Variants in WAPL observed in about 807,000 individuals in gnomAD.
WAPL encodes WAPL cohesin release factor, also known as wings apart-like protein homolog.
In WAPL, 5 loss-of-function variants were observed where a neutral mutation model predicts 121.0. The observed-to-expected ratio is 0.04, with a 90% CI of 0.02 to 0.09. The LOEUF is 0.09. Among genes scored for constraint, WAPL ranks in the 10% least tolerant of loss-of-function variants. WAPL has a pLI of 1.00. For missense variants in WAPL, 999 were observed against 1,410.8 expected (o/e 0.71, Z 4.68); for synonymous variants, 480 against 481.5 (o/e 1.00, Z 0.04).
chr10:86,437,726 C>T (rs1175103510), intron 18 of WAPL, 118 bp from the exon 19 acceptor site: 24 of 1,147,142 alleles, frequency 2.1e-5, no homozygotes, highest in Admixed American at 2.7e-5. Context: ...CAAAGTACAC[C>T]GAGATTAAAT....
intron 15 of WAPL, among the ~76,000 whole-genome samples, chr10:86,450,685 A>G (rs376040148): frequency 6.6e-6 from 1 of 152,190 alleles, no homozygotes; most frequent in African/African-American, 2.4e-5. Flanking sequence ...ATTGATAGTA[A>G]ATTACTACTA....
chr10:86,472,219 T>G lies in WAPL; in HGVS notation c.2019A>C (p.Thr673=). The change falls in exon 7 of 19, where the codon ACA becomes ACC. Residue 673 remains threonine, a synonymous_variant. Coordinates refer to ENST00000298767, the MANE Select transcript of WAPL (RefSeq NM_015045.5). The surrounding 1 kb of genome is among the most constrained non-coding windows in gnomAD (Gnocchi z 4.2). ...AAATAAGATCTTACCTAAGGCAACGTGTGTTTAGAGGCTGAGTGCTCTTTA... is the reference window on the plus strand; with the variant it reads ...AAATAAGATCTTACCTAAGGCAACGGGTGTTTAGAGGCTGAGTGCTCTTTA... ...SGLKSTQPLN[T]RCLSVISLAT... The G allele has an allele frequency of 6.4e-7, 1 of 1,567,588 alleles. No homozygotes were observed. The highest frequency in any genetic ancestry group is 1.4e-5 in the African/African-American group (1 of 72,066).
At chr10:86,457,527 C>T (rs1357843884) in intron 12 of WAPL, among the ~76,000 whole-genome samples, 2 of 151,840 alleles carry the variant, frequency 1.3e-5, no homozygotes, top group South Asian at 4.1e-4. Flanking sequence ...GTGGCGCACA[C>T]CTGTTGTCCC....
At chr10:86,497,050 A>T (rs986287113) in intron 4 of WAPL, 151 bp downstream of exon 4, 3 of 617,646 alleles carry the variant, frequency 4.9e-6, no homozygotes, top group East Asian at 3.0e-5. Context: ...ACAATTTTTT[A>T]AAAAATGGTT....
At chr10:86,517,465 A>C (rs570211376) in intron 2 of WAPL, 106 bp downstream of exon 2, 11 of 1,407,718 alleles carry the variant, frequency 7.8e-6, no homozygotes, top group Non-Finnish European at 1.0e-5. Context: ...CCCATGTATC[A>C]TAAGTGCAGA....
intron 15 of WAPL, among the ~76,000 whole-genome samples, chr10:86,447,036 G>C (rs1849639663): frequency 6.6e-6 from 1 of 152,176 alleles, no homozygotes; most frequent in Non-Finnish European, 1.5e-5. Flanking sequence ...ATTGGTCTAA[G>C]AATCCCTACG....
intron 4 of WAPL, among the ~76,000 whole-genome samples, chr10:86,491,496 T>C (rs1009047397): frequency 6.6e-6 from 1 of 152,132 alleles, no homozygotes; most frequent in Non-Finnish European, 1.5e-5. Flanking sequence ...CTTGATGCGA[T>C]GAACACACTC....
At chr10:86,460,140 C>G (rs1404327789) in intron 11 of WAPL, among the ~76,000 whole-genome samples, 1 of 152,020 alleles carries the variant, frequency 6.6e-6, no homozygotes, top group African/African-American at 2.4e-5. Flanking sequence ...ATAATAAAAT[C>G]TTTAAAAAAG....
chr10:86,505,432 G>A lies in WAPL; in HGVS notation c.500-4689C>T, dbSNP rs75321154. ...CTCCTGAGTAGCTGGGACTACAGGC[G>A]CGAGTCACCATTCCCAGCTAATTTT... On this transcript the variant is annotated intron_variant, in intron 2 of 18. Coordinates refer to ENST00000298767, the MANE Select transcript of WAPL (RefSeq NM_015045.5). Among the ~76,000 whole-genome samples the A allele has an allele frequency of 3.3e-4, 49 of 148,502 alleles. 1 individual carries two copies. In the East Asian group the frequency reaches 9.0e-3, roughly 27 times the overall value.
chr10:86,466,208 G>A (rs1305323163), intron 9 of WAPL, among the ~76,000 whole-genome samples: 1 of 152,116 alleles, frequency 6.6e-6, no homozygotes, highest in Admixed American at 6.6e-5. Context: ...GTGTCTTCAG[G>A]GTTCTTCAAG....
In WAPL at chr10:86,500,738, C is replaced by T; in HGVS notation, c.505G>A (p.Val169Met). The T allele has an allele frequency of 6.4e-7, 1 of 1,553,292 alleles. No individual in the cohort carries two copies. Among genetic ancestry groups the T allele is most frequent in the Non-Finnish European group, 8.6e-7 (1 of 1,157,530 alleles). Residue 169 changes from valine to methionine, a missense_variant, in exon 3 of 19, where the codon GTG becomes ATG. By Grantham distance (21) the Val-to-Met change is conservative. This residue lies in a region of WAPL where 531 missense variants were observed against 563.1 expected (regional missense o/e 0.94). Transcript: ENST00000298767. Reference protein sequence around the residue: ...SCNKLITSDKVENFHEEHEKN... With the variant: ...SCNKLITSDKMENFHEEHEKN... ...TCATGTTCTTCATGAAAATTCTCCA[C>T]TTTATCTGTAAAAATAAGTCAAAGG... is the stretch of plus-strand genomic sequence containing the variant.
At chr10:86,457,851 A>AT (rs1841186388) in intron 12 of WAPL, among the ~76,000 whole-genome samples, 1 of 152,154 alleles carries the variant, frequency 6.6e-6, no homozygotes, top group Non-Finnish European at 1.5e-5. Flanking sequence ...CTGGGGTTAT[A>AT]TTTTTTAAAA....
intron 4 of WAPL, among the ~76,000 whole-genome samples, chr10:86,495,391 G>A (rs1272088287): frequency 1.3e-5 from 2 of 151,948 alleles, no homozygotes; most frequent in Non-Finnish European, 1.5e-5. Flanking sequence ...ACCTGAGCCC[G>A]AGGACGTCAA....
chr10:86,446,588 T>A, intron 15 of WAPL, 139 bp from the exon 16 acceptor site: 2 of 986,010 alleles, frequency 2.0e-6, no homozygotes, highest in Non-Finnish European at 2.9e-6. Context: ...TGAGTATAAG[T>A]AAAAGCTTTT....
At chr10:86,448,712 T>G (rs1840897457) in intron 15 of WAPL, among the ~76,000 whole-genome samples, 1 of 152,132 alleles carries the variant, frequency 6.6e-6, no homozygotes, top group Non-Finnish European at 1.5e-5. Context: ...CTTCCTGGGC[T>G]CATGTGATTC....
At chr10:86,446,580 AGT>A in intron 15 of WAPL, 131 bp from the exon 16 acceptor site, 1 of 1,050,462 alleles carries the variant, frequency 9.5e-7, no homozygotes, top group South Asian at 1.7e-5. Flanking sequence ...AAAAGAGGTG[AGT>A]ATAAGTAAAA....
intron 4 of WAPL, among the ~76,000 whole-genome samples, chr10:86,492,134 A>T (rs1436556255): frequency 6.6e-6 from 1 of 152,144 alleles, no homozygotes; most frequent in Non-Finnish European, 1.5e-5. Flanking sequence ...TTTGTGTCTG[A>T]GTTATTTGAC....
At chr10:86,491,556 G>C (rs1246686686) in intron 4 of WAPL, among the ~76,000 whole-genome samples, 1 of 152,000 alleles carries the variant, frequency 6.6e-6, no homozygotes, top group Non-Finnish European at 1.5e-5. Context: ...AAAGAACCAA[G>C]GTTCCTAGAA....
chr10:86,472,863 A>C lies in WAPL; in HGVS notation c.1741-99T>G, dbSNP rs1841565254. On this transcript the variant is annotated intron_variant, in intron 5 of 18. Transcript: ENST00000298767. The surrounding 1 kb of genome is among the most constrained non-coding windows in gnomAD (Gnocchi z 4.2). ...ATTCAGCTTCAAAAAAAAGTAAATA[A>C]AGCTTTTTAAAAAGCAGGGAGCAGG... The C allele has an allele frequency of 1.6e-6, 2 of 1,276,522 alleles. No homozygotes were observed. Among genetic ancestry groups the C allele is most frequent in the African/African-American group, 3.0e-5 (2 of 66,402 alleles). The allele number at this position is 1,276,522 out of a possible 1,614,324, so 79.1% of individuals were successfully genotyped here. A position where few individuals can be genotyped will look rare whatever the true frequency, so the allele number is the denominator to read the frequency against.
Sources: allele counts gnomAD v4.1 joint callset (sites outside exome capture counted in the v4.1 genomes callset), GRCh38; gene constraint gnomAD v4.1.1; regional missense constraint gnomAD v4.1.1; non-coding constraint Gnocchi (gnomAD v3.1); transcripts MANE v1.5; gene names NCBI Gene and HGNC (gene_info 2026-07-23, HGNC 2026-07-21).